Variants in MCC observed in about 807,000 individuals in gnomAD.
The protein encoded by MCC is MCC regulator of Wnt signaling pathway.
A neutral mutation model predicts 116.2 loss-of-function variants in MCC; 90 were observed. That is an observed-to-expected ratio of 0.77 (90% confidence interval 0.65 to 0.92). The LOEUF (loss-of-function observed/expected upper bound fraction) is 0.92. Ranked by LOEUF, MCC falls within the 40% of genes least tolerant of loss-of-function variation. The pLI is 0.00. For synonymous variants in MCC, 578 were observed against 510.5 expected, an observed-to-expected ratio of 1.13 and a Z score of -1.78; for missense variants, 1,516 against 1,312.2, an observed-to-expected ratio of 1.16 and a Z score of -2.40.
chr5:113,385,824 G>T (rs1045798048), intron 1 of MCC, among the ~76,000 whole-genome samples: 1 of 152,106 alleles, frequency 6.6e-6, no homozygotes, highest in African/African-American at 2.4e-5. Flanking sequence ...TAAGAGCAGG[G>T]ATCAAAATCT....
chr5:113,235,311 T>C (rs1399996120), intron 3 of MCC, among the ~76,000 whole-genome samples: 1 of 152,214 alleles, frequency 6.6e-6, no homozygotes, highest in Non-Finnish European at 1.5e-5. Context: ...ATAAAAACAC[T>C]AGCCTCTTTG....
intron 1 of MCC, among the ~76,000 whole-genome samples, chr5:113,422,335 T>C (rs76567316): frequency 2.0e-5 from 3 of 152,214 alleles, no homozygotes; most frequent in Non-Finnish European, 4.4e-5. Flanking sequence ...ACTGTAAATA[T>C]AGTAAAATAA....
chr5:113,097,553 A>C (rs1164246330), intron 8 of MCC, among the ~76,000 whole-genome samples: 1 of 152,236 alleles, frequency 6.6e-6, no homozygotes, highest in Non-Finnish European at 1.5e-5. Flanking sequence ...AATATAAAGT[A>C]CTATTTTGCA....
rs759147972 is a variant in MCC at position 113,027,527 on chromosome 5, T to C, written c.2880-45A>G. 7.6e-6 allele frequency: 12 copies of C among 1,571,230 alleles called. No individual in the cohort carries two copies. In the South Asian group the frequency reaches 1.2e-4, roughly 16 times the overall value. ...AATTGGTATTAAGATTCATCCTAAG[T>C]AGCATCGTGACACCATCCTGTCCAC... On this transcript the variant is annotated intron_variant, in intron 18 of 18. Coordinates refer to ENST00000408903, the MANE Select transcript of MCC (RefSeq NM_001085377.2).
chr5:113,452,044 G>A (rs1446367546), intron 1 of MCC, among the ~76,000 whole-genome samples: 1 of 152,110 alleles, frequency 6.6e-6, no homozygotes, highest in Non-Finnish European at 1.5e-5. Context: ...CACATGTCCC[G>A]TCAATCCTCC....
intron 4 of MCC, among the ~76,000 whole-genome samples, chr5:113,145,793 CACACACACACACAAAA>C (rs1759481011): frequency 1.3e-5 from 1 of 78,372 alleles, no homozygotes; most frequent in African/African-American, 5.4e-5. Flanking sequence ...CAAACACACA[CACACACACACACAAAA>C]GACCCTGTGG....
chr5:113,396,417 A>C (rs1769525105), intron 1 of MCC, among the ~76,000 whole-genome samples: 1 of 151,586 alleles, frequency 6.6e-6, no homozygotes, highest in Non-Finnish European at 1.5e-5. Context: ...AGATCATTTG[A>C]GGCCAAAATT....
At position 113,023,063 on chromosome 5, in the gene MCC, A is replaced by C. The variant is rs1412766863; in HGVS notation, c.*4239T>G. The C allele has an allele frequency of 6.6e-6, 1 of 152,228 alleles. No individual in the cohort carries two copies. The highest frequency in any genetic ancestry group is 1.5e-5 in the Non-Finnish European group (1 of 68,034). 9.4% of individuals were successfully genotyped at this position (152,228 alleles called of 1,614,324 possible). Reference sequence around the variant, plus strand: ...TTGTATACTTTTTTTCCACTTGTTTATATTTTAACAGCCACTGAGAGATCA... The same window carrying C: ...TTGTATACTTTTTTTCCACTTGTTTCTATTTTAACAGCCACTGAGAGATCA... On this transcript the variant is annotated 3_prime_UTR_variant, in exon 19 of 19. Coordinates refer to ENST00000408903, the MANE Select transcript of MCC (RefSeq NM_001085377.2).
chr5:113,069,955 G>C (rs181358756), intron 12 of MCC, among the ~76,000 whole-genome samples: 1 of 152,356 alleles, frequency 6.6e-6, no homozygotes, highest in East Asian at 1.9e-4. Flanking sequence ...AGCCCTAGGT[G>C]ATACCAGCTC....
intron 3 of MCC, among the ~76,000 whole-genome samples, chr5:113,246,251 C>T (rs1427624395): frequency 6.6e-6 from 1 of 152,182 alleles, no homozygotes; most frequent in African/African-American, 2.4e-5. Flanking sequence ...GTGGAATAAT[C>T]TCTAATCAGA....
chr5:113,473,771 G>A (rs1328631033), intron 1 of MCC, among the ~76,000 whole-genome samples: 1 of 152,128 alleles, frequency 6.6e-6, no homozygotes, highest in African/African-American at 2.4e-5. Context: ...AGAAACTATG[G>A]ATTTATCAGG....
chr5:113,442,996 C>T (rs955588711), intron 1 of MCC, among the ~76,000 whole-genome samples: 1 of 152,168 alleles, frequency 6.6e-6, no homozygotes, highest in Non-Finnish European at 1.5e-5. Flanking sequence ...TTTTTTGGTT[C>T]CAAATGAAGT....
chr5:113,376,767 C>T (rs1768996670), intron 2 of MCC, among the ~76,000 whole-genome samples: 2 of 152,176 alleles, frequency 1.3e-5, no homozygotes, highest in Admixed American at 1.3e-4. Flanking sequence ...TCCCTACCTG[C>T]TCTTTCCTCA....
intron 3 of MCC, among the ~76,000 whole-genome samples, chr5:113,267,719 G>A (rs528469959): frequency 2.0e-5 from 3 of 152,326 alleles, no homozygotes; most frequent in Admixed American, 6.5e-5. Context: ...GGGAGGCAAC[G>A]GGAGGCAGGG....
At chr5:113,104,009 T>C (rs1356487342) in intron 7 of MCC, among the ~76,000 whole-genome samples, 183 bp downstream of exon 7, 2 of 152,152 alleles carry the variant, frequency 1.3e-5, no homozygotes, top group Admixed American at 1.3e-4. Flanking sequence ...TTTTCTGAAA[T>C]AAATCAGCCC....
chr5:113,118,032 G>C (rs1757492586), intron 6 of MCC, among the ~76,000 whole-genome samples: 1 of 152,162 alleles, frequency 6.6e-6, no homozygotes, highest in South Asian at 2.1e-4. Flanking sequence ...AACACAGGCG[G>C]CAACAACAAA....
chr5:113,100,442 G>A (rs1317752836), intron 8 of MCC, among the ~76,000 whole-genome samples: 2 of 143,612 alleles, frequency 1.4e-5, no homozygotes, highest in African/African-American at 5.2e-5. Flanking sequence ...AGGATGATGA[G>A]ACCCACTAGA....
At chr5:113,367,834 T>C (rs1041622009) in intron 2 of MCC, among the ~76,000 whole-genome samples, 1 of 152,124 alleles carries the variant, frequency 6.6e-6, no homozygotes, top group African/African-American at 2.4e-5. Flanking sequence ...GGCCACCTGG[T>C]GGTCTGGCCA....
At chr5:113,225,588 G>T (rs774802726) in intron 3 of MCC, among the ~76,000 whole-genome samples, 2 of 152,174 alleles carry the variant, frequency 1.3e-5, no homozygotes, top group Non-Finnish European at 2.9e-5. Flanking sequence ...AGTACTTCAT[G>T]AATATATGCT....
Sources: allele counts gnomAD v4.1 joint callset (sites outside exome capture counted in the v4.1 genomes callset), GRCh38; gene constraint gnomAD v4.1.1; transcripts MANE v1.5; gene names NCBI Gene and HGNC (gene_info 2026-07-23, HGNC 2026-07-21).